The following DECR2 variants were observed in gnomAD, a reference collection of about 807,000 sequenced individuals.
The protein encoded by DECR2 is peroxisomal 2,4-dienoyl-CoA reductase [(3E)-enoyl-CoA-producing].
A neutral mutation model predicts 29.2 loss-of-function variants in DECR2; 34 were observed. The observed-to-expected ratio is 1.16, with a 90% CI of 0.89 to 1.55. DECR2 has a LOEUF of 1.55. Ranked by LOEUF, DECR2 falls within the 40% of genes most tolerant of loss-of-function variation. The pLI is 0.00. For synonymous variants in DECR2, 224 were observed against 182.7 expected (o/e 1.23, Z -1.82); for missense variants, 485 against 425.3 (o/e 1.14, Z -1.23).
intron 1 of DECR2, among the ~76,000 whole-genome samples, chr16:403,827 G>A (rs777290365): frequency 5.9e-5 from 9 of 152,094 alleles, no homozygotes; most frequent in Admixed American, 1.3e-4. Flanking sequence ...GCAGTGAGCC[G>A]TGATGGTGCC....
chr16:405,304 C>T (rs964488297), intron 2 of DECR2: 9 of 573,908 alleles, frequency 1.6e-5, no homozygotes, highest in Admixed American at 9.3e-5. Context: ...CCAGTGCTGG[C>T]GCCCTGCAGA....
chr16:403,443 A>G (rs2054690675), intron 1 of DECR2, among the ~76,000 whole-genome samples: 1 of 152,206 alleles, frequency 6.6e-6, no homozygotes, highest in Admixed American at 6.5e-5. Context: ...CGTACAAGAA[A>G]ATCTCTAATA....
intron 2 of DECR2, chr16:405,447 T>C: frequency 8.8e-7 from 1 of 1,139,052 alleles, no homozygotes; most frequent in Admixed American, 3.1e-5. Flanking sequence ...GCCCCTGCTT[T>C]TCAGACCAAA....
intron 2 of DECR2, among the ~76,000 whole-genome samples, chr16:406,024 G>T (rs1263397290): frequency 2.0e-5 from 3 of 152,248 alleles, no homozygotes; most frequent in Non-Finnish European, 4.4e-5. Context: ...GGAGAAGGGG[G>T]TGGAGAATGT....
In DECR2 at chr16:410,837, G is replaced by A. The variant is rs142463074; in HGVS notation, c.556+53G>A. 6.5e-5 allele frequency: 99 copies of A among 1,513,296 alleles called. 1 individual carries two copies. The highest frequency in any genetic ancestry group is 3.1e-4 in the South Asian group (26 of 83,106). 93.7% of individuals were successfully genotyped at this position (1,513,296 alleles called of 1,614,324 possible). On this transcript the variant is annotated intron_variant, in intron 6 of 8. Coordinates refer to ENST00000219481, the MANE Select transcript of DECR2 (RefSeq NM_020664.4). This position sits in a 1 kb window ranked among gnomAD's most constrained non-coding sequence, Gnocchi z 4.1. The stretch of plus-strand genomic sequence containing the variant: ...TGCCCACGTGGGTCCCCAATGGGCC[G>A]TCTGCTTCCATCCCAGGAGGCCAGC...
Position 407,425 on chromosome 16 carries a change from G to T in DECR2, c.202G>T (p.Ala68Ser). The stretch of plus-strand genomic sequence containing the variant: ...GTCTGCCTCTTTACCTGGCTTCTAG[G>T]CCGCCAGGAAGCTGGCTGGGGCCAC... Reference protein sequence around the residue: ...ASRSLPRVLTAARKLAGATGR... With the variant: ...ASRSLPRVLTSARKLAGATGR... Residue 68 changes from alanine (A) to serine (S), a missense_variant and splice_region_variant, in exon 4 of 9, where the codon GCC (alanine) becomes TCC (serine). Coordinates refer to ENST00000219481, the MANE Select transcript of DECR2 (RefSeq NM_020664.4). 6.2e-7 allele frequency: 1 copy of T among 1,605,902 alleles called. No individual in the cohort carries two copies.
rs1030090024 is a variant in DECR2 at position 412,344 on chromosome 16, C to T, written c.*455C>T. The T allele has an allele frequency of 5.3e-5, 8 of 152,238 alleles. No individual in the cohort carries two copies. Among genetic ancestry groups the T allele is most frequent in the South Asian group, 2.1e-4 (1 of 4,838 alleles). 9.4% of individuals were successfully genotyped at this position (152,238 alleles called of 1,614,324 possible). A position where few individuals can be genotyped will look rare whatever the true frequency, so the allele number is the denominator to read the frequency against. The stretch of plus-strand genomic sequence containing the variant: ...GGTCCGCCCCTCTGTCTCTGCACCA[C>T]CTGTTTGCATAAACACACTTTGCTA... On this transcript the variant is annotated 3_prime_UTR_variant, in exon 9 of 9. Coordinates refer to ENST00000219481, the MANE Select transcript of DECR2 (RefSeq NM_020664.4).
At chr16:402,159 C>CCTTT in intron 1 of DECR2, 116 bp downstream of exon 1, 1 of 788,396 alleles carries the variant, frequency 1.3e-6, no homozygotes, top group South Asian at 3.5e-5. Flanking sequence ...TTGCCTGGCT[C>CCTTT]CTTTCTTTCT....
rs1567340955 is a variant in DECR2 at position 408,181 on chromosome 16, GCCTCTGTCTCCGGCCCCCTGTCTCCGGC to G, written c.337+624_337+651del. Among the ~76,000 whole-genome samples, 119 of 117,396 alleles carry G rather than the reference GCCTCTGTCTCCGGCCCCCTGTCTCCGGC, an allele frequency of 1.0e-3. 1 individual carries two copies. Among genetic ancestry groups the G allele is most frequent in the African/African-American group, 4.0e-3 (115 of 29,062 alleles). 77.0% of individuals were successfully genotyped at this position (117,396 alleles called of 152,430 possible). ...CCTGTCTCCGGGCCTCTGTCTCCGG[GCCTCTGTCTCCGGCCCCCTGTCTCCGGC>G]CCCCTGTCTCCGGGCCTCTGTCTCC... On this transcript the variant is annotated intron_variant, in intron 4 of 8. Coordinates refer to ENST00000219481, the MANE Select transcript of DECR2 (RefSeq NM_020664.4).
chr16:404,274 T>C (rs1156797419), intron 1 of DECR2, among the ~76,000 whole-genome samples: 1 of 152,000 alleles, frequency 6.6e-6, no homozygotes, highest in Non-Finnish European at 1.5e-5. Context: ...GTTTCGCTCT[T>C]GTTGCCCAGG....
Position 411,350 on chromosome 16 carries a change from C to G in DECR2, c.662-11C>G. On this transcript the variant is annotated splice_polypyrimidine_tract_variant and intron_variant, in intron 7 of 8. Coordinates refer to ENST00000219481, the MANE Select transcript of DECR2 (RefSeq NM_020664.4). Reference sequence around the variant, plus strand: ...GGGCTCACGGGGCCTGAGCCTTCTGCTGCCCTCCAGGTGGCCCTCAGGCCA... The same window carrying G: ...GGGCTCACGGGGCCTGAGCCTTCTGGTGCCCTCCAGGTGGCCCTCAGGCCA... The G allele has an allele frequency of 6.3e-7, 1 of 1,599,960 alleles. No individual in the cohort carries two copies. Among genetic ancestry groups the G allele is most frequent in the Non-Finnish European group, 8.5e-7 (1 of 1,176,810 alleles).
chr16:411,132 G>T, intron 7 of DECR2, 56 bp downstream of exon 7: 1 of 1,434,534 alleles, frequency 7.0e-7, no homozygotes, highest in Non-Finnish European at 9.2e-7. Context: ...GGCACAGGGT[G>T]CCCATGAAGC....
Position 412,318 on chromosome 16 carries a change from A to C in DECR2, c.*429A>C, listed in dbSNP as rs1188912403. ...TGGGATGGTCCTCCAGCTGCCCACAAGGTCCGCCCCTCTGTCTCTGCACCA... is the reference window on the plus strand; with the variant it reads ...TGGGATGGTCCTCCAGCTGCCCACACGGTCCGCCCCTCTGTCTCTGCACCA... On this transcript the variant is annotated 3_prime_UTR_variant, in exon 9 of 9. Transcript: ENST00000219481. 1.3e-5 allele frequency: 2 copies of C among 152,258 alleles called. No individual in the cohort carries two copies. The highest frequency in any genetic ancestry group is 2.9e-5 in the Non-Finnish European group (2 of 68,072). 9.4% of individuals were successfully genotyped at this position (152,258 alleles called of 1,614,324 possible). A position where few individuals can be genotyped will look rare whatever the true frequency, so the allele number is the denominator to read the frequency against.
intron 2 of DECR2, 200 bp downstream of exon 2, chr16:405,224 G>T: frequency 1.6e-6 from 1 of 644,596 alleles, no homozygotes. Flanking sequence ...GGCCCCTACA[G>T]GTCAGTGGAG....
Position 407,408 on chromosome 16 carries a change from C to T in DECR2, c.202-17C>T. 2 of 1,599,996 alleles carry T rather than the reference C, an allele frequency of 1.3e-6. No homozygotes were observed. The highest frequency in any genetic ancestry group is 2.2e-5 in the South Asian group (2 of 90,670). On this transcript the variant is annotated splice_polypyrimidine_tract_variant and intron_variant, in intron 3 of 8. Transcript: ENST00000219481. ...GAGGCTGCAGGGCTGCTGTCTGCCT[C>T]TTTACCTGGCTTCTAGGCCGCCAGG...
chr16:411,632 C>T, intron 8 of DECR2, 54 bp downstream of exon 8: 1 of 1,559,236 alleles, frequency 6.4e-7, no homozygotes, highest in Non-Finnish European at 8.7e-7. Context: ...ACGCTGGTCA[C>T]TGCATGGGCA....
chr16:410,631 C>T lies in DECR2; in HGVS notation c.463-60C>T. On this transcript the variant is annotated intron_variant, in intron 5 of 8. Transcript: ENST00000219481. The surrounding 1 kb of genome is among the most constrained non-coding windows in gnomAD (Gnocchi z 4.1). ...CCTCCCCCTGACAGCCACCCGCTCA[C>T]TGTCCTGTGACCTCCCCCGACACCC... 6.6e-7 allele frequency: 1 copy of T among 1,504,714 alleles called. No individual in the cohort carries two copies. Among genetic ancestry groups the T allele is most frequent in the South Asian group, 1.2e-5 (1 of 83,818 alleles). 93.2% of individuals were successfully genotyped at this position (1,504,714 alleles called of 1,614,324 possible).
chr16:402,925 C>A, intron 1 of DECR2: 1 of 538,100 alleles, frequency 1.9e-6, no homozygotes, highest in Non-Finnish European at 2.4e-6. Context: ...GTGGAGGTTG[C>A]AGTGAGCCGA....
rs1318187338 is a variant in DECR2 at position 410,899 on chromosome 16, G to C, written c.557-73G>C. The C allele has an allele frequency of 6.5e-7, 1 of 1,536,012 alleles. No homozygotes were observed. Among genetic ancestry groups the C allele is most frequent in the Non-Finnish European group, 8.8e-7 (1 of 1,136,510 alleles). ...GAAGCTGAGCCCAGCTGCAGGCAGCGAGACCTGGCCTTGGCCCTGCGCCCT... is the reference window on the plus strand; with the variant it reads ...GAAGCTGAGCCCAGCTGCAGGCAGCCAGACCTGGCCTTGGCCCTGCGCCCT... On this transcript the variant is annotated intron_variant, in intron 6 of 8. Transcript: ENST00000219481. The surrounding 1 kb of genome is among the most constrained non-coding windows in gnomAD (Gnocchi z 4.1).
Sources: gnomAD v4.1 joint callset for allele counts (sites outside exome capture counted in the v4.1 genomes callset) on GRCh38, gnomAD v4.1.1 for gene constraint, Gnocchi (gnomAD v3.1) non-coding constraint, MANE v1.5 for transcripts, NCBI Gene and HGNC (gene_info 2026-07-23, HGNC 2026-07-21) for gene names.